CSMD1: variants seen among roughly 807,000 people sequenced by gnomAD.
CSMD1 encodes the protein CUB and sushi domain-containing protein 1.
CSMD1 carries 213 observed loss-of-function variants against 417.5 expected under a neutral mutation model. The ratio of observed to expected loss-of-function variants is 0.51; its 90% confidence interval spans 0.46 to 0.57. The LOEUF is 0.57. CSMD1 is among the 20% of genes least tolerant of loss of function. The pLI, the probability that CSMD1 is intolerant of heterozygous loss-of-function variation, is 0.00. For synonymous variants in CSMD1, 2,862 were observed against 1,736.8 expected (o/e 1.65, Z -16.11); for missense variants, 6,923 against 4,529.7 (o/e 1.53, Z -15.17).
At chr8:3,732,039 T>C (rs1301073399) in intron 6 of CSMD1, among the ~76,000 whole-genome samples, 2 of 123,818 alleles carry the variant, frequency 1.6e-5, no homozygotes, top group African/African-American at 5.2e-5. Context: ...CCACATTTTT[T>C]AGACAAAAAA....
chr8:3,849,048 C>A (rs1167722160), intron 5 of CSMD1, among the ~76,000 whole-genome samples: 1 of 151,918 alleles, frequency 6.6e-6, no homozygotes, highest in African/African-American at 2.4e-5. Flanking sequence ...TAGTGGCATG[C>A]AGTTTTGGCC....
chr8:4,894,458 C>T (rs929357138), intron 1 of CSMD1, among the ~76,000 whole-genome samples: 1 of 151,388 alleles, frequency 6.6e-6, no homozygotes, highest in African/African-American at 2.4e-5. Flanking sequence ...GAGGCTGAGG[C>T]AGGAGAATCA....
intron 5 of CSMD1, among the ~76,000 whole-genome samples, chr8:3,799,203 T>A (rs1057060774): frequency 2.6e-5 from 4 of 152,084 alleles, no homozygotes; most frequent in Admixed American, 6.6e-5. Flanking sequence ...GAATAGCACA[T>A]AACTTACCTT....
chr8:4,275,895 T>C (rs1264983989), intron 3 of CSMD1, among the ~76,000 whole-genome samples: 1 of 152,200 alleles, frequency 6.6e-6, no homozygotes, highest in South Asian at 2.1e-4. Context: ...ATAAATTAAC[T>C]TGCACAAAAA....
chr8:3,641,797 C>T (rs935201414), intron 7 of CSMD1, among the ~76,000 whole-genome samples: 1 of 152,212 alleles, frequency 6.6e-6, no homozygotes, highest in African/African-American at 2.4e-5. Flanking sequence ...TCTCAAAAAA[C>T]CATCTGTTGT....
At chr8:3,619,778 T>C (rs544642975) in intron 7 of CSMD1, among the ~76,000 whole-genome samples, 11 of 152,230 alleles carry the variant, frequency 7.2e-5, no homozygotes, top group Admixed American at 4.6e-4. Flanking sequence ...TTTCACAGGT[T>C]AGAAAGCAAT....
intron 41 of CSMD1, among the ~76,000 whole-genome samples, chr8:3,125,555 T>C (rs1044231010): frequency 7.2e-5 from 11 of 152,262 alleles, no homozygotes; most frequent in Non-Finnish European, 1.3e-4. Flanking sequence ...AAGCCACGAT[T>C]ATCAAACAAA....
intron 1 of CSMD1, among the ~76,000 whole-genome samples, chr8:4,639,682 G>A (rs1054617367): frequency 1.3e-5 from 2 of 152,092 alleles, no homozygotes; most frequent in Non-Finnish European, 2.9e-5. Flanking sequence ...AGCTCTTATT[G>A]TTAAAGTACA....
At chr8:4,333,574 G>A (rs942072937) in intron 3 of CSMD1, among the ~76,000 whole-genome samples, 4 of 152,150 alleles carry the variant, frequency 2.6e-5, no homozygotes, top group African/African-American at 7.2e-5. Context: ...TGCAATATGC[G>A]TTAGTTATTA....
At chr8:4,565,728 C>A (rs1798565688) in intron 2 of CSMD1, among the ~76,000 whole-genome samples, 1 of 139,054 alleles carries the variant, frequency 7.2e-6, no homozygotes, top group African/African-American at 2.7e-5. Flanking sequence ...GCGCAACACT[C>A]CACCTTAAAA....
intron 1 of CSMD1, among the ~76,000 whole-genome samples, chr8:4,671,128 T>C (rs933324791): frequency 6.6e-6 from 1 of 152,212 alleles, no homozygotes; most frequent in African/African-American, 2.4e-5. Context: ...TTGCACTCAG[T>C]ATTCTCTCTT....
intron 3 of CSMD1, among the ~76,000 whole-genome samples, chr8:4,129,907 T>G (rs1802992904): frequency 6.6e-6 from 1 of 152,184 alleles, no homozygotes; most frequent in Non-Finnish European, 1.5e-5. Context: ...TCCTTTTACT[T>G]CTCAGGTAAT....
intron 1 of CSMD1, among the ~76,000 whole-genome samples, chr8:4,884,319 G>C (rs899471611): frequency 6.6e-6 from 1 of 151,926 alleles, no homozygotes; most frequent in African/African-American, 2.4e-5. Flanking sequence ...CTCCCATTCT[G>C]TGGGTTATCT....
At chr8:3,948,480 C>G (rs1253049043) in intron 5 of CSMD1, among the ~76,000 whole-genome samples, 1 of 152,006 alleles carries the variant, frequency 6.6e-6, no homozygotes, top group Non-Finnish European at 1.5e-5. Flanking sequence ...GGGAAATTTT[C>G]TCCAGAAGTT....
chr8:4,447,084 G>C (rs796990056), intron 2 of CSMD1, among the ~76,000 whole-genome samples: 4 of 152,226 alleles, frequency 2.6e-5, no homozygotes, highest in African/African-American at 9.6e-5. Context: ...AGTTATGACA[G>C]CGTCTCTTTG....
intron 10 of CSMD1, among the ~76,000 whole-genome samples, chr8:3,500,590 T>A (rs753784171): frequency 6.6e-6 from 1 of 152,096 alleles, no homozygotes; most frequent in Non-Finnish European, 1.5e-5. Context: ...GAAAAAAGAA[T>A]CTGTGGTAGG....
At chr8:3,944,895 T>C (rs990882957) in intron 5 of CSMD1, among the ~76,000 whole-genome samples, 1 of 152,176 alleles carries the variant, frequency 6.6e-6, no homozygotes, top group African/African-American at 2.4e-5. Flanking sequence ...TTCTAATTCA[T>C]CCCCACAATC....
intron 3 of CSMD1, among the ~76,000 whole-genome samples, chr8:4,122,504 G>C (rs10088518): frequency 0.99 from 150,617 of 152,264 alleles, 74,520 homozygotes; most frequent in East Asian, 1. Flanking sequence ...CTGTCTAAAA[G>C]AGAACCAGAA....
intron 43 of CSMD1, among the ~76,000 whole-genome samples, chr8:3,109,142 G>A (rs1165409612): frequency 6.6e-6 from 1 of 152,188 alleles, no homozygotes; most frequent in Non-Finnish European, 1.5e-5. Flanking sequence ...GCACGCACTT[G>A]TAGTCCCAGC....
Sources: gnomAD v4.1 joint callset for allele counts (sites outside exome capture counted in the v4.1 genomes callset) on GRCh38, gnomAD v4.1.1 for gene constraint, MANE v1.5 for transcripts, NCBI Gene and HGNC (gene_info 2026-07-23, HGNC 2026-07-21) for gene names.